The following RRAS2 variants were observed in gnomAD, a reference collection of about 807,000 sequenced individuals.
RRAS2 encodes the protein ras-related protein R-Ras2.
A neutral mutation model predicts 27.6 loss-of-function variants in RRAS2; 7 were observed. The ratio of observed to expected loss-of-function variants is 0.25; its 90% CI spans 0.14 to 0.48. The LOEUF is 0.48. RRAS2 is among the 20% of genes least tolerant of loss of function. RRAS2 has a pLI of 0.99. For missense variants in RRAS2, 178 were observed against 256.2 expected (o/e 0.69, Z 2.08); for synonymous variants, 86 against 90.9 (o/e 0.95, Z 0.31).
At chr11:14,323,528 T>C (rs1311797784) in intron 1 of RRAS2, among the ~76,000 whole-genome samples, 1 of 151,510 alleles carries the variant, frequency 6.6e-6, no homozygotes, top group Non-Finnish European at 1.5e-5. Flanking sequence ...TAAAATAAAC[T>C]TCCCCCTCTT....
Position 14,281,649 on chromosome 11 carries a change from A to G in RRAS2, c.480T>C (p.Ile160=). 6.2e-7 allele frequency: 1 copy of G among 1,600,326 alleles called. No individual in the cohort carries two copies. Residue 160 remains isoleucine (I), a synonymous_variant, in exon 5 of 6, where the codon ATT becomes ATC. Transcript: ENST00000256196. The part of the protein sequence containing the change: ...KVTYMEASAK[I]RMNVDQAFHE... Reference sequence around the variant, plus strand: ...GGAAAGCTTGATCTACATTCATCCTAATCTTTGCTGATGCCTCCATGTATG... The same window carrying G: ...GGAAAGCTTGATCTACATTCATCCTGATCTTTGCTGATGCCTCCATGTATG...
chr11:14,320,688 C>T (rs80231224), intron 1 of RRAS2, among the ~76,000 whole-genome samples: 3,484 of 152,086 alleles, frequency 0.023, 53 homozygotes, highest in Non-Finnish European at 0.039. Flanking sequence ...AAGAACTTTT[C>T]TGAAAGATAT....
At chr11:14,294,341 C>G in intron 4 of RRAS2, 130 bp downstream of exon 4, 1 of 569,678 alleles carries the variant, frequency 1.8e-6, no homozygotes, top group South Asian at 3.2e-5. Context: ...CCAGACTCAG[C>G]TATAAACACT....
chr11:14,348,459 T>C lies in RRAS2; in HGVS notation c.108+10304A>G, dbSNP rs188184760. Among the ~76,000 whole-genome samples the C allele has an allele frequency of 5.8e-4, 89 of 152,356 alleles. 1 individual carries two copies. Among genetic ancestry groups the C allele is most frequent in the African/African-American group, 1.9e-3 (79 of 41,580 alleles). Reference sequence around the variant, plus strand: ...TCTTACTTAAATCAACTGTTATAATTGCCAAAAGGCAACTTACTAATTCCA... The same window carrying C: ...TCTTACTTAAATCAACTGTTATAATCGCCAAAAGGCAACTTACTAATTCCA... On this transcript the variant is annotated intron_variant, in intron 1 of 5. Transcript: ENST00000256196.
At chr11:14,289,296 A>C (rs1849748779) in intron 4 of RRAS2, among the ~76,000 whole-genome samples, 1 of 152,236 alleles carries the variant, frequency 6.6e-6, no homozygotes, top group South Asian at 2.1e-4. Context: ...GGGGAAAAAG[A>C]GGGAACAACC....
At chr11:14,308,235 T>C (rs1554948385) in intron 1 of RRAS2, 1 of 439,378 alleles carries the variant, frequency 2.3e-6, no homozygotes, top group Admixed American at 2.6e-5. Context: ...TGCTAGGAGA[T>C]ATGGATGGAA....
At chr11:14,353,768 CA>C (rs1248062635) in intron 1 of RRAS2, among the ~76,000 whole-genome samples, 1 of 152,034 alleles carries the variant, frequency 6.6e-6, no homozygotes, top group Non-Finnish European at 1.5e-5. Context: ...CCTTCTTCTC[CA>C]AAGGCAGTCA....
upstream of RRAS2, among the ~76,000 whole-genome samples, chr11:14,363,254 T>C (rs925555270): frequency 3.5e-4 from 53 of 152,232 alleles, no homozygotes; most frequent in African/African-American, 1.3e-3. Context: ...CTGGCTTTAG[T>C]GGGCTTTAAG....
At chr11:14,345,611 C>G (rs1848812956) in intron 1 of RRAS2, among the ~76,000 whole-genome samples, 2 of 152,164 alleles carry the variant, frequency 1.3e-5, no homozygotes, top group South Asian at 4.1e-4. Context: ...AGAATACACA[C>G]ACTCTTCCAC....
Position 14,358,192 on chromosome 11 carries a change from G to A in RRAS2, c.108+571C>T. 1.0e-6 allele frequency: 1 copy of A among 980,344 alleles called. No homozygotes were observed. 60.7% of individuals were successfully genotyped at this position (980,344 alleles called of 1,614,324 possible). A position where few individuals can be genotyped will look rare whatever the true frequency, so the allele number is the denominator to read the frequency against. On this transcript the variant is annotated intron_variant, in intron 1 of 5. Coordinates refer to ENST00000256196, the MANE Select transcript of RRAS2 (RefSeq NM_012250.6). The surrounding 1 kb of genome is among the most constrained non-coding windows in gnomAD (Gnocchi z 5.1). ...GGGCATTATCACACACTCCCACCCGGACATATTACCTAAGAGAGTACTTAT... is the reference window on the plus strand; with the variant it reads ...GGGCATTATCACACACTCCCACCCGAACATATTACCTAAGAGAGTACTTAT...
upstream of RRAS2, among the ~76,000 whole-genome samples, chr11:14,364,163 C>A (rs1420574663): frequency 6.6e-6 from 1 of 152,244 alleles, no homozygotes. Context: ...TATTTCAGGA[C>A]AAACAATGAC....
At chr11:14,350,698 TA>T (rs1158109878) in intron 1 of RRAS2, among the ~76,000 whole-genome samples, 134 of 149,172 alleles carry the variant, frequency 9.0e-4, no homozygotes, top group African/African-American at 2.8e-3. Flanking sequence ...CTGACGAGGT[TA>T]AAAAAAAAAT....
intron 1 of RRAS2, among the ~76,000 whole-genome samples, chr11:14,313,653 C>A (rs1848030310): frequency 6.6e-6 from 1 of 152,078 alleles, no homozygotes; most frequent in African/African-American, 2.4e-5. Flanking sequence ...GAGAGGAAGG[C>A]CACATGAAGG....
At chr11:14,340,852 T>C (rs1451545107) in intron 1 of RRAS2, among the ~76,000 whole-genome samples, 4 of 152,188 alleles carry the variant, frequency 2.6e-5, no homozygotes, top group African/African-American at 9.6e-5. Flanking sequence ...CATTATAATC[T>C]GTAAATCTAA....
At chr11:14,323,771 GAA>G (rs1327204576) in intron 1 of RRAS2, among the ~76,000 whole-genome samples, 2 of 151,952 alleles carry the variant, frequency 1.3e-5, no homozygotes, top group African/African-American at 4.8e-5. Flanking sequence ...AAACATACAT[GAA>G]AAGAGTCCAT....
intron 1 of RRAS2, among the ~76,000 whole-genome samples, chr11:14,338,999 T>G (rs1251945279): frequency 6.6e-6 from 1 of 152,058 alleles, no homozygotes; most frequent in Non-Finnish European, 1.5e-5. Flanking sequence ...CCATGCTGAA[T>G]GAAGTTCCAC....
At chr11:14,352,779 AGG>A (rs1363081672) in intron 1 of RRAS2, among the ~76,000 whole-genome samples, 12 of 136,886 alleles carry the variant, frequency 8.8e-5, no homozygotes, top group African/African-American at 2.4e-4. Flanking sequence ...AGAGAGAGAG[AGG>A]GAGAGAGAGA....
At chr11:14,308,850 TC>T (rs1847890731) in intron 1 of RRAS2, among the ~76,000 whole-genome samples, 1 of 152,176 alleles carries the variant, frequency 6.6e-6, no homozygotes, top group Admixed American at 6.5e-5. Context: ...TTAGAGGCAG[TC>T]AGACCTACAT....
intron 1 of RRAS2, among the ~76,000 whole-genome samples, chr11:14,334,755 TCTC>T (rs782723265): frequency 1.6e-4 from 25 of 152,044 alleles, no homozygotes; most frequent in Non-Finnish European, 3.2e-4. Flanking sequence ...AGAAATCAAA[TCTC>T]CTCCAACCTT....
Sources: allele counts gnomAD v4.1 joint callset (sites outside exome capture counted in the v4.1 genomes callset), GRCh38; gene constraint gnomAD v4.1.1; non-coding constraint Gnocchi (gnomAD v3.1); transcripts MANE v1.5; gene names NCBI Gene and HGNC (gene_info 2026-07-23, HGNC 2026-07-21).